Variants in TNRC6C observed in about 807,000 individuals in gnomAD.
TNRC6C encodes trinucleotide repeat containing adaptor 6C.
Under a neutral mutation model 153.7 loss-of-function variants are expected in TNRC6C, and 20 were observed. That is an observed-to-expected ratio of 0.13 (90% CI 0.09 to 0.19). The LOEUF (loss-of-function observed/expected upper bound fraction) is 0.19, where lower values mean the gene tolerates loss of function less well. TNRC6C is among the 10% of genes least tolerant of loss of function. The probability of loss-of-function intolerance (pLI) is 1.00; values close to 1 mark genes in which losing one functional copy is unlikely to be tolerated. For missense variants in TNRC6C, 1,987 were observed against 2,172.0 expected (o/e 0.91, Z 1.69); for synonymous variants, 811 against 841.4 (o/e 0.96, Z 0.63).
intron 1 of TNRC6C, among the ~76,000 whole-genome samples, chr17:77,979,065 A>G (rs2071038908): frequency 6.6e-6 from 1 of 152,192 alleles, no homozygotes; most frequent in African/African-American, 2.4e-5. Context: ...AGATCTAGAT[A>G]TTAGGGTTAT....
intron 1 of TNRC6C, among the ~76,000 whole-genome samples, chr17:78,028,005 C>T (rs2071977192): frequency 6.6e-6 from 1 of 151,488 alleles, no homozygotes; most frequent in Admixed American, 6.6e-5. Context: ...ACGCCATTCT[C>T]CTGCCTCAGC....
intron 10 of TNRC6C, 83 bp from the exon 13 acceptor site, chr17:78,082,964 T>C: frequency 6.6e-7 from 1 of 1,520,230 alleles, no homozygotes; most frequent in Non-Finnish European, 8.9e-7. Flanking sequence ...CATTTAATCA[T>C]TTTTGAATTT....
At position 78,051,975 on chromosome 17, in the gene TNRC6C, A is replaced by G. The variant is rs115230526; in HGVS notation, c.2395+518A>G. ...GCCAGAGGGGCAAGGTCCAGAGTAGAGAGATTTTAAGGTGGCAAAGTCGTG... is the reference window on the plus strand; with the variant it reads ...GCCAGAGGGGCAAGGTCCAGAGTAGGGAGATTTTAAGGTGGCAAAGTCGTG... On this transcript the variant is annotated intron_variant, in intron 3 of 19. Coordinates refer to ENST00000301624, the Ensembl canonical transcript of TNRC6C. 5.4e-3 allele frequency among the ~76,000 whole-genome samples: 829 copies of G among 152,304 alleles called. 11 individuals carry two copies. Among genetic ancestry groups the G allele is most frequent in the African/African-American group, 0.016 (663 of 41,568 alleles).
intron 1 of TNRC6C, among the ~76,000 whole-genome samples, chr17:77,996,603 T>A (rs1343312544): frequency 6.6e-6 from 1 of 152,186 alleles, no homozygotes; most frequent in East Asian, 1.9e-4. Flanking sequence ...CAAAAACAAC[T>A]TATTCCTGAA....
At chr17:78,088,475 TCCTC>T (rs976053883) in intron 13 of TNRC6C, among the ~76,000 whole-genome samples, 1 of 152,190 alleles carries the variant, frequency 6.6e-6, no homozygotes, top group Admixed American at 6.5e-5. Context: ...CCTCAAGTGA[TCCTC>T]CCTAAGTGTT....
chr17:78,053,717 G>C (rs748600623), intron 3 of TNRC6C, among the ~76,000 whole-genome samples: 1 of 151,964 alleles, frequency 6.6e-6, no homozygotes. Flanking sequence ...AAATTTAATA[G>C]AGTTTAATTA....
At chr17:78,037,140 T>G (rs1225532617) in intron 2 of TNRC6C, among the ~76,000 whole-genome samples, 5 of 152,234 alleles carry the variant, frequency 3.3e-5, no homozygotes, top group African/African-American at 7.2e-5. Flanking sequence ...TTGCCATTTC[T>G]TAGACAAACT....
chr17:78,012,835 C>G (rs1486897140), intron 1 of TNRC6C, among the ~76,000 whole-genome samples: 1 of 152,200 alleles, frequency 6.6e-6, no homozygotes, highest in Non-Finnish European at 1.5e-5. Flanking sequence ...TTATCTATCT[C>G]ACACTTTCTA....
intron 11 of TNRC6C, among the ~76,000 whole-genome samples, chr17:78,084,414 T>C (rs1174819563): frequency 1.3e-5 from 2 of 152,120 alleles, no homozygotes; most frequent in East Asian, 3.9e-4. Flanking sequence ...CCCTCAGTCT[T>C]TCCCCTTTGC....
Position 78,049,051 on chromosome 17 carries a change from G to C in TNRC6C, c.-12G>C. The C allele has an allele frequency of 2.7e-6, 4 of 1,506,886 alleles. No homozygotes were observed. Among genetic ancestry groups the C allele is most frequent in the Non-Finnish European group, 3.5e-6 (4 of 1,127,666 alleles). 93.3% of individuals were successfully genotyped at this position (1,506,886 alleles called of 1,614,324 possible). On this transcript the variant is annotated 5_prime_UTR_variant, in exon 3 of 20. Transcript: ENST00000301624. This position sits in a 1 kb window ranked among gnomAD's most constrained non-coding sequence, Gnocchi z 4.1. ...TGACTCTGCCTCCAACTGTGGCTCA[G>C]AGAACAGTAGCATGGCTACAGGGAG... is the stretch of plus-strand genomic sequence containing the variant.
At chr17:78,045,490 C>T (rs993351148) in intron 2 of TNRC6C, among the ~76,000 whole-genome samples, 7 of 152,230 alleles carry the variant, frequency 4.6e-5, no homozygotes, top group East Asian at 1.9e-4. Context: ...GAGTAGGCGG[C>T]GTCATTGTAG....
At chr17:78,083,305 T>C (rs1212090854) in intron 11 of TNRC6C, 139 bp downstream of exon 13, 2 of 1,219,940 alleles carry the variant, frequency 1.6e-6, no homozygotes, top group Non-Finnish European at 2.3e-6. Context: ...TTTAAACTCT[T>C]CATGAGTTAG....
chr17:78,075,161 C>T lies in TNRC6C; in HGVS notation c.2943C>T (p.Asp981=), dbSNP rs370409606. ...GCGCTCTGCTGGAAAAGAAGGTGGA[C>T]GTGGACAAGCGTGGGCTGGGAGTGA... Residue 981 remains aspartate (D), a synonymous_variant, in exon 8 of 20, where the codon GAC becomes GAT. Coordinates refer to ENST00000301624, the Ensembl canonical transcript of TNRC6C. The surrounding 1 kb of genome is among the most constrained non-coding windows in gnomAD (Gnocchi z 4.2). 8.1e-6 allele frequency: 13 copies of T among 1,613,180 alleles called. No individual in the cohort carries two copies. The highest frequency in any genetic ancestry group is 5.3e-5 in the African/African-American group (4 of 75,050).
At chr17:78,077,401 G>C in intron 9 of TNRC6C, 67 bp downstream of exon 11, 3 of 1,537,722 alleles carry the variant, frequency 2.0e-6, no homozygotes, top group South Asian at 2.4e-5. Flanking sequence ...ATGTGTTTGA[G>C]ACATAAACTT....
chr17:78,024,462 G>T (rs1266705650), intron 1 of TNRC6C, among the ~76,000 whole-genome samples: 3 of 151,504 alleles, frequency 2.0e-5, no homozygotes, highest in Admixed American at 2.0e-4. Context: ...CGCCTCCCAG[G>T]TTCACGCCAT....
chr17:78,079,045 C>T lies in TNRC6C; in HGVS notation c.3211-350C>T, dbSNP rs1230320508. Among the ~76,000 whole-genome samples the T allele has an allele frequency of 1.3e-5, 2 of 151,582 alleles. No homozygotes were observed. The highest frequency in any genetic ancestry group is 4.8e-5 in the African/African-American group (2 of 41,238). On this transcript the variant is annotated intron_variant, in intron 9 of 19. Coordinates refer to ENST00000301624, the Ensembl canonical transcript of TNRC6C. The surrounding 1 kb of genome is among the most constrained non-coding windows in gnomAD (Gnocchi z 4.3). ...GGTAGAGGTTGCAGTGAGCTGAGAT[C>T]GCACTACTGCATTCCAGCCTGGGTG...
chr17:78,071,408 C>T (rs2072993826), intron 6 of TNRC6C, among the ~76,000 whole-genome samples: 1 of 152,014 alleles, frequency 6.6e-6, no homozygotes, highest in Non-Finnish European at 1.5e-5. Flanking sequence ...GAGCCTTTTC[C>T]TAGAATAGAA....
Position 78,031,858 on chromosome 17 carries a change from G to C in TNRC6C, c.-219+16G>C, listed in dbSNP as rs1383500361. 6.5e-6 allele frequency: 8 copies of C among 1,231,962 alleles called. No homozygotes were observed. Among genetic ancestry groups the C allele is most frequent in the Non-Finnish European group, 7.1e-6 (7 of 987,956 alleles). 76.3% of individuals were successfully genotyped at this position (1,231,962 alleles called of 1,614,324 possible). A position where few individuals can be genotyped will look rare whatever the true frequency, so the allele number is the denominator to read the frequency against. On this transcript the variant is annotated intron_variant, in intron 2 of 19. Coordinates refer to ENST00000301624, the Ensembl canonical transcript of TNRC6C. ...CTCCAACCAGGTAAAAACCACATAG[G>C]ATGAGACATTGTTTTGATCTGAAAA... is the stretch of plus-strand genomic sequence containing the variant.
chr17:78,064,983 A>G (rs1194333900), intron 4 of TNRC6C, 46 bp downstream of exon 6: 2 of 1,537,394 alleles, frequency 1.3e-6, no homozygotes, highest in Non-Finnish European at 1.8e-6. Flanking sequence ...TTTGGAAATG[A>G]CTCAAAGTAT....
Sources: allele counts gnomAD v4.1 joint callset (sites outside exome capture counted in the v4.1 genomes callset), GRCh38; gene constraint gnomAD v4.1.1; non-coding constraint Gnocchi (gnomAD v3.1); transcripts MANE v1.5; gene names NCBI Gene and HGNC (gene_info 2026-07-23, HGNC 2026-07-21).